Variants in MBTD1 observed in about 807,000 individuals in gnomAD.
MBTD1 encodes the protein mbt domain containing 1.
Under a neutral mutation model 87.8 loss-of-function variants are expected in MBTD1, and 24 were observed. That is an observed-to-expected ratio of 0.27 (90% CI 0.20 to 0.38). MBTD1 has a LOEUF of 0.38. Among genes scored for constraint, MBTD1 ranks in the 10% least tolerant of loss-of-function variants. The probability of loss-of-function intolerance (pLI) is 1.00; values close to 1 mark genes in which losing one functional copy is unlikely to be tolerated. For missense variants in MBTD1, 436 were observed against 760.2 expected, an observed-to-expected ratio of 0.57 and a Z score of 5.02; for synonymous variants, 237 against 248.6, an observed-to-expected ratio of 0.95 and a Z score of 0.44.
chr17:51,214,420 C>G (rs1247672219), intron 6 of MBTD1, among the ~76,000 whole-genome samples: 1 of 152,152 alleles, frequency 6.6e-6, no homozygotes. Flanking sequence ...ATGATCTACT[C>G]TGTAGAAAGT....
intron 2 of MBTD1, among the ~76,000 whole-genome samples, chr17:51,235,041 C>G (rs998596001): frequency 1.3e-5 from 2 of 152,078 alleles, no homozygotes; most frequent in Admixed American, 6.6e-5. Flanking sequence ...AAACAGTTTA[C>G]AAACTCATTC....
At chr17:51,221,944 T>C (rs1036230410) in intron 3 of MBTD1, among the ~76,000 whole-genome samples, 7 of 152,110 alleles carry the variant, frequency 4.6e-5, no homozygotes, top group Admixed American at 3.3e-4. Flanking sequence ...GGAAAAAAGA[T>C]AAAAATGCCA....
At chr17:51,228,194 A>C (rs758771) in intron 2 of MBTD1, among the ~76,000 whole-genome samples, 3 of 151,714 alleles carry the variant, frequency 2.0e-5, no homozygotes, top group Non-Finnish European at 2.9e-5. Flanking sequence ...CACATAGAGG[A>C]AACAGCAGAC....
chr17:51,218,298 G>A (rs963508387), intron 5 of MBTD1, among the ~76,000 whole-genome samples: 3 of 151,896 alleles, frequency 2.0e-5, no homozygotes, highest in Non-Finnish European at 4.4e-5. Flanking sequence ...GGAGGCTGAG[G>A]TGGGTGGATC....
At chr17:51,253,901 G>A (rs1434734331) in intron 2 of MBTD1, among the ~76,000 whole-genome samples, 1 of 152,192 alleles carries the variant, frequency 6.6e-6, no homozygotes, top group East Asian at 1.9e-4. Context: ...ATCTCTGGGA[G>A]AAATGACAGA....
At chr17:51,181,885 A>G (rs2050328870) in intron 16 of MBTD1, among the ~76,000 whole-genome samples, 1 of 152,184 alleles carries the variant, frequency 6.6e-6, no homozygotes, top group Non-Finnish European at 1.5e-5. Flanking sequence ...TCATATCCCC[A>G]AAGTGCTGGG....
chr17:51,258,663 T>G (rs899196735), intron 2 of MBTD1, among the ~76,000 whole-genome samples: 7 of 152,154 alleles, frequency 4.6e-5, no homozygotes, highest in Non-Finnish European at 1.5e-5. Flanking sequence ...TAGACATCCT[T>G]AGAAGTGATT....
rs535829234 is a variant in MBTD1 at position 51,214,380 on chromosome 17, T to C, written c.486+2954A>G. 2.6e-5 allele frequency among the ~76,000 whole-genome samples: 4 copies of C among 152,312 alleles called. 1 individual carries two copies. The South Asian group carries it at 6.2e-4, about 24-fold the overall frequency. ...CTGAGTATAAGCCACTATAAATAGT[T>C]ACAGGAATTATCAAAAAAGATATAG... On this transcript the variant is annotated intron_variant, in intron 6 of 16. Transcript: ENST00000586178.
intron 3 of MBTD1, among the ~76,000 whole-genome samples, chr17:51,221,718 T>C (rs976135585): frequency 2.0e-5 from 3 of 152,228 alleles, no homozygotes; most frequent in African/African-American, 7.2e-5. Context: ...GTATTAACAA[T>C]TATTTGCATG....
Position 51,211,095 on chromosome 17 carries a change from C to T in MBTD1, c.487-4090G>A, listed in dbSNP as rs187513979. On this transcript the variant is annotated intron_variant, in intron 6 of 16. Coordinates refer to ENST00000586178, the MANE Select transcript of MBTD1 (RefSeq NM_017643.3). ...AAGTTTGCAGTGAGCCAAGATGGTG[C>T]CATTACACTCCAGCCTGGGTGACAG... Among the ~76,000 whole-genome samples, 50 of 150,268 alleles carry T rather than the reference C, an allele frequency of 3.3e-4. 1 individual carries two copies. Among genetic ancestry groups the T allele is most frequent in the Admixed American group, 3.0e-3 (45 of 15,084 alleles).
At chr17:51,252,757 A>C (rs1317081008) in intron 2 of MBTD1, among the ~76,000 whole-genome samples, 1 of 151,896 alleles carries the variant, frequency 6.6e-6, no homozygotes, top group East Asian at 1.9e-4. Flanking sequence ...ACAACAAAAC[A>C]AAACCCCAAA....
upstream of MBTD1, chr17:51,260,763 C>T: frequency 6.3e-7 from 1 of 1,580,940 alleles, no homozygotes; most frequent in Non-Finnish European, 8.6e-7. Context: ...GCGGCCGCTG[C>T]GATTGCAGTC....
chr17:51,242,011 T>C (rs963324792), intron 2 of MBTD1, among the ~76,000 whole-genome samples: 1 of 152,186 alleles, frequency 6.6e-6, no homozygotes, highest in African/African-American at 2.4e-5. Flanking sequence ...TTCCTTACTT[T>C]CTTGCATAAT....
intron 2 of MBTD1, among the ~76,000 whole-genome samples, chr17:51,225,961 T>A (rs911553764): frequency 2.0e-5 from 3 of 151,450 alleles, no homozygotes; most frequent in Non-Finnish European, 4.4e-5. Flanking sequence ...GTATTTTTAG[T>A]AGAGACAGGG....
At chr17:51,200,347 A>G (rs1158891739) in intron 12 of MBTD1, among the ~76,000 whole-genome samples, 2 of 151,770 alleles carry the variant, frequency 1.3e-5, no homozygotes, top group African/African-American at 2.4e-5. Context: ...GAATTGCTTG[A>G]GCTCAGGAGT....
intron 16 of MBTD1, chr17:51,183,764 G>A (rs892284761): frequency 3.9e-5 from 6 of 152,174 alleles, no homozygotes; most frequent in Non-Finnish European, 5.9e-5. Flanking sequence ...CCAGCATGCA[G>A]TCATTCAGCG....
chr17:51,179,514 A>AT lies in MBTD1; in HGVS notation c.*1061dup, dbSNP rs1385266270. On this transcript the variant is annotated 3_prime_UTR_variant, in exon 17 of 17. Coordinates refer to ENST00000586178, the MANE Select transcript of MBTD1 (RefSeq NM_017643.3). ...TATATATATATATATATATATATAT[A>AT]TATATATATATATATATATATATGG... The AT allele has an allele frequency of 1.0e-5, 1 of 96,108 alleles. No individual in the cohort carries two copies. Among genetic ancestry groups the AT allele is most frequent in the African/African-American group, 4.5e-5 (1 of 22,214 alleles). The allele number at this position is 96,108 out of a possible 1,614,324, so 6.0% of individuals were successfully genotyped here.
chr17:51,204,882 T>G (rs1401410504), intron 7 of MBTD1, among the ~76,000 whole-genome samples: 1 of 152,186 alleles, frequency 6.6e-6, no homozygotes, highest in Non-Finnish European at 1.5e-5. Context: ...GTGGCTACTT[T>G]AAGAATCTAA....
At chr17:51,260,313 C>T (rs1598466874), upstream of MBTD1, 1 of 535,370 alleles carries the variant, frequency 1.9e-6, no homozygotes, top group African/African-American at 2.0e-5. Flanking sequence ...TATGTTGCAG[C>T]TGCGAAATTG....
Sources: allele counts gnomAD v4.1 joint callset (sites outside exome capture counted in the v4.1 genomes callset), GRCh38; gene constraint gnomAD v4.1.1; transcripts MANE v1.5; gene names NCBI Gene and HGNC (gene_info 2026-07-23, HGNC 2026-07-21).